The following GSDME variants were observed in gnomAD, a reference collection of about 807,000 sequenced individuals.
The protein encoded by GSDME is gasdermin-E.
Under a neutral mutation model 47.5 loss-of-function variants are expected in GSDME, and 44 were observed. The ratio of observed to expected loss-of-function variants is 0.93; its 90% confidence interval spans 0.73 to 1.19. The LOEUF is 1.19. Among genes scored for constraint, GSDME ranks in the 50% most tolerant of loss-of-function variants. The pLI is 0.00. For synonymous variants in GSDME, 258 were observed against 252.8 expected, an observed-to-expected ratio of 1.02 and a Z score of -0.20; for missense variants, 663 against 604.2, an observed-to-expected ratio of 1.10 and a Z score of -1.02.
intron 2 of GSDME, among the ~76,000 whole-genome samples, chr7:24,746,353 G>T (rs1790669039): frequency 6.6e-6 from 1 of 152,184 alleles, no homozygotes; most frequent in Non-Finnish European, 1.5e-5. Flanking sequence ...CTAACCGGGA[G>T]AATTTGGGTA....
At chr7:24,775,224 A>G in the GSDME span, among the ~76,000 whole-genome samples, 3 of 152,228 alleles carry the variant, frequency 2.0e-5, no homozygotes, top group Admixed American at 6.5e-5. Context: ...TCGTAAGTCT[A>G]GGAAAGCAAA....
At chr7:24,713,672 A>G (rs1789442773) in intron 5 of GSDME, among the ~76,000 whole-genome samples, 1 of 152,222 alleles carries the variant, frequency 6.6e-6, no homozygotes, top group African/African-American at 2.4e-5. Flanking sequence ...ATAAGGCGTG[A>G]CATGGTGCAG....
upstream of GSDME, chr7:24,758,217 G>A (rs576084767): frequency 6.6e-6 from 1 of 152,258 alleles, no homozygotes; most frequent in Non-Finnish European, 1.5e-5. This position sits in a 1 kb window ranked among gnomAD's most constrained non-coding sequence, Gnocchi z 4.6. Flanking sequence ...AAAATCTCCC[G>A]GGCGTGTGCA....
chr7:24,713,222 G>A (rs1243986869), intron 5 of GSDME, among the ~76,000 whole-genome samples: 3 of 152,176 alleles, frequency 2.0e-5, no homozygotes, highest in African/African-American at 2.4e-5. Flanking sequence ...AGCAAGGCCT[G>A]TCTCTTCACC....
chr7:24,761,518 C>T (rs942834172), upstream of GSDME, among the ~76,000 whole-genome samples: 1 of 152,226 alleles, frequency 6.6e-6, no homozygotes, highest in Admixed American at 6.5e-5. The surrounding 1 kb of genome is among the most constrained non-coding windows in gnomAD (Gnocchi z 4.4). Context: ...AGGGTTCCAC[C>T]TCATGACCTA....
Position 24,739,485 on chromosome 7 carries a change from G to A in GSDME, c.404+5077C>T, listed in dbSNP as rs1220255344. Among the ~76,000 whole-genome samples, 2 of 152,042 alleles carry A rather than the reference G, an allele frequency of 1.3e-5. No individual in the cohort carries two copies. Among genetic ancestry groups the A allele is most frequent in the Non-Finnish European group, 2.9e-5 (2 of 67,986 alleles). On this transcript the variant is annotated intron_variant, in intron 3 of 9. Coordinates refer to ENST00000645220, the MANE Select transcript of GSDME (RefSeq NM_001127453.2). This position sits in a 1 kb window ranked among gnomAD's most constrained non-coding sequence, Gnocchi z 5.1. Reference sequence around the variant, plus strand: ...CAAAAGACAGGCAATAAAAACTGCTGATAAGAATGTGGAAAAAAAGGGAAT... The same window carrying A: ...CAAAAGACAGGCAATAAAAACTGCTAATAAGAATGTGGAAAAAAAGGGAAT...
chr7:24,720,728 C>A (rs1789746068), intron 3 of GSDME, among the ~76,000 whole-genome samples: 1 of 152,142 alleles, frequency 6.6e-6, no homozygotes, highest in South Asian at 2.1e-4. Context: ...CCAGCCTGAC[C>A]AACATGGAGA....
the GSDME span, among the ~76,000 whole-genome samples, chr7:24,765,437 G>T: frequency 2.4e-4 from 36 of 152,150 alleles, no homozygotes; most frequent in Non-Finnish European, 3.4e-4. Context: ...AGGTTGCTCC[G>T]GGTATAGTGA....
chr7:24,751,552 G>A (rs1347830683), intron 1 of GSDME, among the ~76,000 whole-genome samples: 2 of 152,148 alleles, frequency 1.3e-5, no homozygotes, highest in Non-Finnish European at 2.9e-5. Flanking sequence ...TTATGAAGCA[G>A]TAGCTACCTG....
the GSDME span, among the ~76,000 whole-genome samples, chr7:24,786,297 A>C: frequency 6.6e-6 from 1 of 152,216 alleles, no homozygotes; most frequent in African/African-American, 2.4e-5. The surrounding 1 kb of genome is among the most constrained non-coding windows in gnomAD (Gnocchi z 5.5). Flanking sequence ...CTTTGGAATT[A>C]AGATTAAAGA....
At chr7:24,762,249 C>CAAAA (rs11436239), upstream of GSDME, among the ~76,000 whole-genome samples, 27 of 131,400 alleles carry the variant, frequency 2.1e-4, 1 homozygote, top group Admixed American at 6.2e-4. Flanking sequence ...AACTGTGTGT[C>CAAAA]AAAAAAAAAA....
chr7:24,698,924 G>A lies in GSDME; in HGVS notation c.*102C>T. ...ATGTCACCACTTCTTAAACTGTTCT[G>A]TAAATTCATTTCATTGGTCAACTTT... On this transcript the variant is annotated 3_prime_UTR_variant, in exon 10 of 10. Coordinates refer to ENST00000645220, the MANE Select transcript of GSDME (RefSeq NM_001127453.2). 1 of 868,188 alleles carries A rather than the reference G, an allele frequency of 1.2e-6. No homozygotes were observed. The highest frequency in any genetic ancestry group is 1.9e-6 in the Non-Finnish European group (1 of 525,094). 53.8% of individuals were successfully genotyped at this position (868,188 alleles called of 1,614,324 possible). A position where few individuals can be genotyped will look rare whatever the true frequency, so the allele number is the denominator to read the frequency against.
chr7:24,759,613 C>T (rs1023951049), upstream of GSDME, among the ~76,000 whole-genome samples: 4 of 152,298 alleles, frequency 2.6e-5, no homozygotes, highest in East Asian at 7.7e-4. Flanking sequence ...GCTCATACAA[C>T]TGGGAAGAGA....
At chr7:24,791,735 GTC>G in the GSDME span, among the ~76,000 whole-genome samples, 1 of 152,136 alleles carries the variant, frequency 6.6e-6, no homozygotes, top group Non-Finnish European at 1.5e-5. The surrounding 1 kb of genome is among the most constrained non-coding windows in gnomAD (Gnocchi z 4.8). Flanking sequence ...TCGGCAGAGT[GTC>G]CAGTAAAGGT....
rs533382578 is a variant in GSDME at position 24,740,126 on chromosome 7, C to T, written c.404+4436G>A. ...AAAAAGGATAAGATCCTGTCATTTGCAACAACAGGGATGGAACTGGAGGTC... is the reference window on the plus strand; with the variant it reads ...AAAAAGGATAAGATCCTGTCATTTGTAACAACAGGGATGGAACTGGAGGTC... On this transcript the variant is annotated intron_variant, in intron 3 of 9. Coordinates refer to ENST00000645220, the MANE Select transcript of GSDME (RefSeq NM_001127453.2). 4.2e-4 allele frequency among the ~76,000 whole-genome samples: 63 copies of T among 151,106 alleles called. 1 individual carries two copies. The South Asian group carries it at 0.013, about 31-fold the overall frequency.
intron 9 of GSDME, 153 bp downstream of exon 9, chr7:24,702,607 A>G (rs1293448005): frequency 3.0e-6 from 2 of 669,626 alleles, no homozygotes; most frequent in African/African-American, 3.6e-5. Context: ...TGGGATGTGT[A>G]TAAAAGTGGG....
rs1042983388 is a variant in GSDME at position 24,728,004 on chromosome 7, C to G, written c.405-8786G>C. Among the ~76,000 whole-genome samples, 1 of 152,148 alleles carries G rather than the reference C, an allele frequency of 6.6e-6. No individual in the cohort carries two copies. The highest frequency in any genetic ancestry group is 1.5e-5 in the Non-Finnish European group (1 of 68,028). On this transcript the variant is annotated intron_variant, in intron 3 of 9. Transcript: ENST00000645220. This position sits in a 1 kb window ranked among gnomAD's most constrained non-coding sequence, Gnocchi z 7.2. ...ACTAGCTGCCGTCCCCAGCACTGTT[C>G]GGGAGCTAGGGGGGCTGTAACGGGA...
chr7:24,763,924 T>G, the GSDME span, among the ~76,000 whole-genome samples: 1 of 152,250 alleles, frequency 6.6e-6, no homozygotes, highest in Non-Finnish European at 1.5e-5. The surrounding 1 kb of genome is among the most constrained non-coding windows in gnomAD (Gnocchi z 4.3). Context: ...GCTGAACTGA[T>G]TTAAATGACA....
chr7:24,756,877 G>C lies in GSDME; in HGVS notation c.-20+519C>G, dbSNP rs1280919325. 6.6e-6 allele frequency among the ~76,000 whole-genome samples: 1 copy of C among 152,196 alleles called. No homozygotes were observed. Among genetic ancestry groups the C allele is most frequent in the African/African-American group, 2.4e-5 (1 of 41,458 alleles). On this transcript the variant is annotated intron_variant, in intron 1 of 9. Coordinates refer to ENST00000645220, the MANE Select transcript of GSDME (RefSeq NM_001127453.2). This position sits in a 1 kb window ranked among gnomAD's most constrained non-coding sequence, Gnocchi z 4.2. ...CAAGCTAGGAGCTCTCTAGATACCG[G>C]AGCAAAGTGGAGGGGGACTTTTTTC...
Sources: gnomAD v4.1 joint callset for allele counts (sites outside exome capture counted in the v4.1 genomes callset) on GRCh38, gnomAD v4.1.1 for gene constraint, Gnocchi (gnomAD v3.1) non-coding constraint, MANE v1.5 for transcripts, NCBI Gene and HGNC (gene_info 2026-07-23, HGNC 2026-07-21) for gene names.